ABCC4: variants seen among roughly 807,000 people sequenced by gnomAD.
ABCC4 encodes the protein ATP-binding cassette sub-family C member 4.
Under a neutral mutation model 168.5 loss-of-function variants are expected in ABCC4, and 102 were observed. That is an observed-to-expected ratio of 0.61 (90% CI 0.52 to 0.71). The LOEUF is 0.71. Among genes scored for constraint, ABCC4 ranks in the 30% least tolerant of loss-of-function variants. The probability of loss-of-function intolerance (pLI) is 0.00; values close to 1 mark genes in which losing one functional copy is unlikely to be tolerated. For synonymous variants in ABCC4, 617 were observed against 590.7 expected (o/e 1.04, Z -0.65); for missense variants, 1,402 against 1,605.8 (o/e 0.87, Z 2.17).
At chr13:95,296,930 A>C (rs1260887823) in intron 1 of ABCC4, among the ~76,000 whole-genome samples, 1 of 152,172 alleles carries the variant, frequency 6.6e-6, no homozygotes, top group Non-Finnish European at 1.5e-5. Flanking sequence ...TCAAATACCA[A>C]AAGAAATTCT....
intron 19 of ABCC4, 115 bp downstream of exon 19, chr13:95,161,074 T>C (rs1303964775): frequency 1.8e-5 from 9 of 506,690 alleles, no homozygotes; most frequent in Admixed American, 8.5e-5. Context: ...TGAATCAACA[T>C]GCATAGTGAT....
At chr13:95,040,930 T>C (rs1593990975) in intron 29 of ABCC4, among the ~76,000 whole-genome samples, 2 of 152,336 alleles carry the variant, frequency 1.3e-5, no homozygotes. Flanking sequence ...ATTCTCTAAC[T>C]GCAGATTCGC....
chr13:95,107,240 AGAGT>A (rs1323567680), intron 20 of ABCC4, among the ~76,000 whole-genome samples: 1 of 152,200 alleles, frequency 6.6e-6, no homozygotes, highest in African/African-American at 2.4e-5. Context: ...TTCGGTGACA[AGAGT>A]GAAACTCCTC....
intron 8 of ABCC4, among the ~76,000 whole-genome samples, chr13:95,196,089 T>C (rs534392215): frequency 2.0e-5 from 3 of 152,218 alleles, no homozygotes; most frequent in African/African-American, 7.2e-5. Flanking sequence ...CCTAACATAA[T>C]GATATATGGG....
At chr13:95,193,656 G>A (rs1235078290) in intron 9 of ABCC4, among the ~76,000 whole-genome samples, 1 of 152,218 alleles carries the variant, frequency 6.6e-6, no homozygotes, top group African/African-American at 2.4e-5. Context: ...CGTAACCGCA[G>A]AACCAGCCCA....
chr13:95,146,874 A>G (rs2036517307), intron 19 of ABCC4, among the ~76,000 whole-genome samples: 1 of 152,230 alleles, frequency 6.6e-6, no homozygotes, highest in Non-Finnish European at 1.5e-5. Context: ...AATTTGGTAG[A>G]GAACTAGAAT....
chr13:95,042,004 C>A (rs1471124630), intron 29 of ABCC4, among the ~76,000 whole-genome samples: 1 of 152,190 alleles, frequency 6.6e-6, no homozygotes, highest in African/African-American at 2.4e-5. Context: ...TCCTGTGATG[C>A]CACTGATGAC....
At chr13:95,161,162 T>C (rs772676154) in intron 19 of ABCC4, 27 bp downstream of exon 19, 2 of 1,562,058 alleles carry the variant, frequency 1.3e-6, no homozygotes. Flanking sequence ...AAGACATACT[T>C]ACTGAGAAAC....
chr13:95,233,311 T>C (rs2039675468), intron 4 of ABCC4, among the ~76,000 whole-genome samples: 1 of 59,076 alleles, frequency 1.7e-5, no homozygotes, highest in Non-Finnish European at 3.2e-5. Flanking sequence ...TACATGGGAG[T>C]GCACCCATAA....
chr13:95,228,056 A>G (rs2039516166), intron 4 of ABCC4, among the ~76,000 whole-genome samples: 1 of 152,228 alleles, frequency 6.6e-6, no homozygotes, highest in Non-Finnish European at 1.5e-5. Flanking sequence ...ATAAAGCAAT[A>G]TACAGTCTAC....
chr13:95,199,260 AC>A (rs2038554384), intron 8 of ABCC4, among the ~76,000 whole-genome samples: 1 of 152,254 alleles, frequency 6.6e-6, no homozygotes, highest in African/African-American at 2.4e-5. Flanking sequence ...ATTGGGCAGA[AC>A]TATTCCTCCT....
chr13:95,297,702 G>A (rs922234549), intron 1 of ABCC4, among the ~76,000 whole-genome samples: 4 of 152,168 alleles, frequency 2.6e-5, no homozygotes, highest in Non-Finnish European at 2.9e-5. Context: ...CCAGTGTGGT[G>A]GTTCATGCCT....
chr13:95,223,661 C>T (rs147939509), intron 4 of ABCC4, among the ~76,000 whole-genome samples: 2 of 152,090 alleles, frequency 1.3e-5, no homozygotes, highest in Non-Finnish European at 2.9e-5. Flanking sequence ...GCCACCACAC[C>T]CAGCTAAATT....
At chr13:95,286,684 C>G (rs1250980676) in intron 1 of ABCC4, among the ~76,000 whole-genome samples, 1 of 151,968 alleles carries the variant, frequency 6.6e-6, no homozygotes, top group Non-Finnish European at 1.5e-5. Flanking sequence ...AGGCCGGGCG[C>G]GGAGGCTCAC....
rs578057620 is a variant in ABCC4, at chr13:95,281,111, A to G, written c.74+20130T>C. 6.6e-5 allele frequency among the ~76,000 whole-genome samples: 10 copies of G among 152,032 alleles called. No individual in the cohort carries two copies. In the East Asian group the frequency reaches 1.7e-3, roughly 26 times the overall value. ...GGCTGTAAAAGAGAAAGTTCAGGCC[A>G]GGCACTGTGGCAACATGGTGAAACC... On this transcript the variant is annotated intron_variant, in intron 1 of 30. Coordinates refer to ENST00000645237, the MANE Select transcript of ABCC4 (RefSeq NM_005845.5).
intron 4 of ABCC4, among the ~76,000 whole-genome samples, chr13:95,220,558 G>GAAAATGTCTTACTAATGACTTATTCACT (rs2138712473): frequency 6.6e-6 from 1 of 152,144 alleles, no homozygotes; most frequent in Non-Finnish European, 1.5e-5. Context: ...ACAGATGTCA[G>GAAAATGTCTTACTAATGACTTATTCACT]AAAATGTCTT....
intron 4 of ABCC4, among the ~76,000 whole-genome samples, chr13:95,214,935 C>T (rs3887096): frequency 0.2 from 29,305 of 146,448 alleles, 3,610 homozygotes; most frequent in South Asian, 0.34. Flanking sequence ...ATCACCAACA[C>T]AAAATGTCCT....
intron 20 of ABCC4, among the ~76,000 whole-genome samples, chr13:95,102,460 T>C (rs1427704825): frequency 2.0e-5 from 3 of 151,984 alleles, no homozygotes; most frequent in Non-Finnish European, 4.4e-5. Context: ...CTTTTATTAT[T>C]TTTATAGAGA....
intron 11 of ABCC4, among the ~76,000 whole-genome samples, chr13:95,180,830 A>T (rs1311308053): frequency 6.6e-6 from 1 of 152,214 alleles, no homozygotes; most frequent in Non-Finnish European, 1.5e-5. Context: ...TATCTGTCTC[A>T]TTTCATGCAG....
Sources: allele counts gnomAD v4.1 joint callset (sites outside exome capture counted in the v4.1 genomes callset), GRCh38; gene constraint gnomAD v4.1.1; transcripts MANE v1.5; gene names NCBI Gene and HGNC (gene_info 2026-07-23, HGNC 2026-07-21).